Variants in TRIB2 observed in about 807,000 individuals in gnomAD.
TRIB2 encodes tribbles homolog 2.
A neutral mutation model predicts 26.8 loss-of-function variants in TRIB2; 2 were observed. That is an observed-to-expected ratio of 0.07 (90% CI 0.03 to 0.24). The LOEUF is 0.24. Among genes scored for constraint, TRIB2 ranks in the 10% least tolerant of loss-of-function variants. The pLI, the probability that TRIB2 is intolerant of heterozygous loss-of-function variation, is 1.00. For missense variants in TRIB2, 306 were observed against 449.0 expected (o/e 0.68, Z 2.88); for synonymous variants, 189 against 187.3 (o/e 1.01, Z -0.08).
At chr2:12,728,926 A>G (rs989237457) in intron 2 of TRIB2, among the ~76,000 whole-genome samples, 2 of 152,144 alleles carry the variant, frequency 1.3e-5, no homozygotes, top group Non-Finnish European at 1.5e-5. Flanking sequence ...TATCTAACAG[A>G]GTACAGAGGG....
Position 12,740,295 on chromosome 2 carries a change from C to T in TRIB2, c.564-31C>T, listed in dbSNP as rs775854564. The T allele has an allele frequency of 8.7e-6, 14 of 1,600,964 alleles. No homozygotes were observed. The South Asian group carries it at 1.4e-4, about 17-fold the overall frequency. ...GTGGTAACGTGTCTCTGAGCACCCTCAGGAGCTTATGTTTTCCTCCTTTCT... is the reference window on the plus strand; with the variant it reads ...GTGGTAACGTGTCTCTGAGCACCCTTAGGAGCTTATGTTTTCCTCCTTTCT... On this transcript the variant is annotated intron_variant, in intron 2 of 2. Coordinates refer to ENST00000155926, the MANE Select transcript of TRIB2 (RefSeq NM_021643.4). The surrounding 1 kb of genome is among the most constrained non-coding windows in gnomAD (Gnocchi z 5.8).
At chr2:12,724,663 CT>C in intron 2 of TRIB2, 1 of 1,612,880 alleles carries the variant, frequency 6.2e-7, no homozygotes, top group Non-Finnish European at 8.5e-7. Flanking sequence ...GATGTTTCCC[CT>C]GGTTTTGCCT....
chr2:12,717,224 G>T lies in TRIB2; in HGVS notation c.-1084G>T. ...GGGCAATTTGGTCTCGGGGTAGGGG[G>T]AGACGGGGTGATTGCAAATTATTCC... is the stretch of plus-strand genomic sequence containing the variant. On this transcript the variant is annotated 5_prime_UTR_variant, in exon 1 of 3. Coordinates refer to ENST00000155926, the MANE Select transcript of TRIB2 (RefSeq NM_021643.4). The surrounding 1 kb of genome is among the most constrained non-coding windows in gnomAD (Gnocchi z 4.8). 2.5e-6 allele frequency: 1 copy of T among 397,156 alleles called. No individual in the cohort carries two copies. The highest frequency in any genetic ancestry group is 4.4e-6 in the Non-Finnish European group (1 of 225,558). The allele number at this position is 397,156 out of a possible 1,614,324, so 24.6% of individuals were successfully genotyped here.
chr2:12,722,660 A>G (rs921695906), intron 1 of TRIB2, among the ~76,000 whole-genome samples: 19 of 143,320 alleles, frequency 1.3e-4, no homozygotes, highest in Non-Finnish European at 3.2e-5. Context: ...GAAGGATTCT[A>G]TCATATTCCT....
chr2:12,723,773 C>T (rs959098637), intron 2 of TRIB2, among the ~76,000 whole-genome samples: 1 of 152,176 alleles, frequency 6.6e-6, no homozygotes, highest in African/African-American at 2.4e-5. Flanking sequence ...AGGACAGGTA[C>T]CAGGATATTC....
At chr2:12,735,208 C>T (rs972702930) in intron 2 of TRIB2, among the ~76,000 whole-genome samples, 1 of 152,232 alleles carries the variant, frequency 6.6e-6, no homozygotes, top group Non-Finnish European at 1.5e-5. Flanking sequence ...TCACAGTGTT[C>T]TGAGAAGGAA....
chr2:12,717,407 T>TC lies in TRIB2; in HGVS notation c.-900dup, dbSNP rs1468221101. 2.5e-6 allele frequency: 1 copy of TC among 398,332 alleles called. No homozygotes were observed. The highest frequency in any genetic ancestry group is 4.4e-6 in the Non-Finnish European group (1 of 226,012). 24.7% of individuals were successfully genotyped at this position (398,332 alleles called of 1,614,324 possible). ...ATCTGTCCTCGTTCTCTCCTGCACG[T>TC]CTGGCTGCATTCGGAGGAAGACCTG... is the stretch of plus-strand genomic sequence containing the variant. On this transcript the variant is annotated 5_prime_UTR_variant, in exon 1 of 3. Transcript: ENST00000155926. This position sits in a 1 kb window ranked among gnomAD's most constrained non-coding sequence, Gnocchi z 4.8.
At chr2:12,728,896 C>T (rs1030831585) in intron 2 of TRIB2, among the ~76,000 whole-genome samples, 5 of 152,146 alleles carry the variant, frequency 3.3e-5, no homozygotes, top group East Asian at 1.9e-4. Context: ...AAGTTGCACC[C>T]GCCTCCATTG....
chr2:12,719,236 C>T (rs1378241075), intron 1 of TRIB2, among the ~76,000 whole-genome samples: 2 of 152,152 alleles, frequency 1.3e-5, no homozygotes, highest in African/African-American at 4.8e-5. Flanking sequence ...CTCCCCATCT[C>T]TAGACTTCCC....
chr2:12,723,574 C>G, intron 2 of TRIB2, 22 bp downstream of exon 2: 1 of 1,607,218 alleles, frequency 6.2e-7, no homozygotes, highest in South Asian at 1.1e-5. Context: ...CCTGTCCAGA[C>G]CTGGGTACTG....
chr2:12,734,207 G>T (rs954944134), intron 2 of TRIB2, among the ~76,000 whole-genome samples: 4 of 152,186 alleles, frequency 2.6e-5, no homozygotes. Flanking sequence ...CCCCTGAGAA[G>T]TTACTGGAGA....
intron 1 of TRIB2, among the ~76,000 whole-genome samples, chr2:12,720,565 C>A (rs1030417694): frequency 6.6e-6 from 1 of 150,764 alleles, no homozygotes; most frequent in East Asian, 2.0e-4. Context: ...GGTCTCTTAG[C>A]TTACTTTAAG....
chr2:12,723,633 G>A (rs1390459702), intron 2 of TRIB2, 81 bp downstream of exon 2: 7 of 1,502,326 alleles, frequency 4.7e-6, no homozygotes, highest in African/African-American at 4.2e-5. Context: ...TTGAATGGAC[G>A]TTTTTTTGCC....
chr2:12,738,649 T>G (rs62126068), intron 2 of TRIB2, among the ~76,000 whole-genome samples: 2 of 151,984 alleles, frequency 1.3e-5, no homozygotes, highest in Admixed American at 1.3e-4. Context: ...TTCCTAACTT[T>G]CCACTCAAAG....
At position 12,742,317 on chromosome 2, in the gene TRIB2, T is replaced by G. The variant is rs976930731; in HGVS notation, c.*1523T>G. On this transcript the variant is annotated 3_prime_UTR_variant, in exon 3 of 3. Transcript: ENST00000155926. The stretch of plus-strand genomic sequence containing the variant: ...GTTTTTGGGTAGGTGACACGTGGAC[T>G]CTAGTATGTAAATGTTACTTGAATC... The G allele has an allele frequency of 6.6e-6, 1 of 152,662 alleles. No individual in the cohort carries two copies. Among genetic ancestry groups the G allele is most frequent in the South Asian group, 2.1e-4 (1 of 4,828 alleles). The allele number at this position is 152,662 out of a possible 1,614,324, so 9.5% of individuals were successfully genotyped here.
At chr2:12,723,802 T>TA (rs1289841852) in intron 2 of TRIB2, among the ~76,000 whole-genome samples, 5 of 152,250 alleles carry the variant, frequency 3.3e-5, no homozygotes, top group African/African-American at 1.2e-4. Context: ...AATGAATATG[T>TA]ATGATTAGGT....
rs1251432756 is a variant in TRIB2, at chr2:12,738,069, T to C, written c.564-2257T>C. On this transcript the variant is annotated intron_variant, in intron 2 of 2. Transcript: ENST00000155926. The stretch of plus-strand genomic sequence containing the variant: ...ACGGAAAGTAGTCACTCCTTGAGCT[T>C]TGAACTCCTGTAATCCAAATATGAG... 3.9e-5 allele frequency among the ~76,000 whole-genome samples: 6 copies of C among 152,344 alleles called. No individual in the cohort carries two copies. The East Asian group carries it at 1.2e-3, about 29-fold the overall frequency.
At chr2:12,728,653 T>C (rs1028922466) in intron 2 of TRIB2, among the ~76,000 whole-genome samples, 3 of 152,184 alleles carry the variant, frequency 2.0e-5, no homozygotes. Flanking sequence ...ACAGGTTTCA[T>C]TTCCTCCGCT....
chr2:12,737,716 A>G (rs572747650), intron 2 of TRIB2, among the ~76,000 whole-genome samples: 1 of 152,380 alleles, frequency 6.6e-6, no homozygotes, highest in African/African-American at 2.4e-5. Flanking sequence ...GAATCCCAGA[A>G]TGATAAAACT....
Sources: allele counts gnomAD v4.1 joint callset (sites outside exome capture counted in the v4.1 genomes callset), GRCh38; gene constraint gnomAD v4.1.1; non-coding constraint Gnocchi (gnomAD v3.1); transcripts MANE v1.5; gene names NCBI Gene and HGNC (gene_info 2026-07-23, HGNC 2026-07-21).